PACRG: variants seen among roughly 807,000 people sequenced by gnomAD.
PACRG encodes the protein parkin coregulated gene protein.
PACRG carries 29 observed loss-of-function variants against 29.7 expected under a neutral mutation model. The observed-to-expected ratio is 0.98, with a 90% CI of 0.73 to 1.33. The LOEUF (loss-of-function observed/expected upper bound fraction) is 1.33. Among genes scored for constraint, PACRG ranks in the 40% most tolerant of loss-of-function variants. The probability of loss-of-function intolerance (pLI) is 0.00; values close to 1 mark genes in which losing one functional copy is unlikely to be tolerated. For missense variants in PACRG, 279 were observed against 316.2 expected, an observed-to-expected ratio of 0.88 and a Z score of 0.89; for synonymous variants, 116 against 118.7, an observed-to-expected ratio of 0.98 and a Z score of 0.15.
chr6:163,085,783 C>T (rs1330266516), intron 3 of PACRG, among the ~76,000 whole-genome samples: 1 of 152,230 alleles, frequency 6.6e-6, no homozygotes, highest in African/African-American at 2.4e-5. Context: ...TCTGCTTAAA[C>T]GCCCTGTCCT....
intron 2 of PACRG, among the ~76,000 whole-genome samples, chr6:163,003,724 T>C (rs1468535026): frequency 6.6e-6 from 1 of 152,198 alleles, no homozygotes; most frequent in Non-Finnish European, 1.5e-5. Flanking sequence ...ATAGTAATCA[T>C]GATAACAATA....
At chr6:162,924,385 A>G (rs1797277761) in intron 2 of PACRG, among the ~76,000 whole-genome samples, 1 of 151,872 alleles carries the variant, frequency 6.6e-6, no homozygotes, top group Non-Finnish European at 1.5e-5. Context: ...TTATTTCTTT[A>G]TCTTGCGTAA....
At chr6:163,142,221 T>C (rs1238681609) in intron 4 of PACRG, among the ~76,000 whole-genome samples, 1 of 152,016 alleles carries the variant, frequency 6.6e-6, no homozygotes, top group Non-Finnish European at 1.5e-5. Context: ...CAAACATTCA[T>C]GAAATAGATG....
intron 2 of PACRG, among the ~76,000 whole-genome samples, chr6:163,054,885 C>G (rs117290768): frequency 0.014 from 2,118 of 152,200 alleles, 72 homozygotes; most frequent in Admixed American, 0.081. Context: ...CTCCAAGGAC[C>G]GCCTCCCCCC....
intron 4 of PACRG, chr6:163,310,919 G>C (rs1785388515): frequency 6.6e-6 from 1 of 152,212 alleles, no homozygotes; most frequent in African/African-American, 2.4e-5. Flanking sequence ...CCCGGAGGAT[G>C]CTATCGCTGG....
At chr6:162,935,996 C>T (rs756491413) in intron 2 of PACRG, among the ~76,000 whole-genome samples, 16 of 152,104 alleles carry the variant, frequency 1.1e-4, no homozygotes, top group Non-Finnish European at 2.1e-4. Context: ...CAAGACTGGG[C>T]AATTTACAAA....
intron 2 of PACRG, among the ~76,000 whole-genome samples, chr6:163,032,929 T>C (rs987664404): frequency 6.6e-6 from 1 of 152,220 alleles, no homozygotes; most frequent in African/African-American, 2.4e-5. Context: ...TTTATTCCAA[T>C]GTTTAGTTTA....
intron 2 of PACRG, among the ~76,000 whole-genome samples, chr6:162,916,699 C>T (rs1396368790): frequency 1.3e-5 from 2 of 152,132 alleles, no homozygotes; most frequent in African/African-American, 4.8e-5. Flanking sequence ...TGTGCTGTCT[C>T]TGAGTCTACT....
At chr6:162,727,678 G>A, upstream of PACRG, 2 of 1,577,926 alleles carry the variant, frequency 1.3e-6, no homozygotes, top group South Asian at 2.3e-5. Context: ...TGGTCACTGG[G>A]TAGGTGGCGG....
At chr6:162,815,648 TATG>T (rs989308247) in intron 2 of PACRG, among the ~76,000 whole-genome samples, 4 of 152,004 alleles carry the variant, frequency 2.6e-5, no homozygotes, top group Non-Finnish European at 5.9e-5. Context: ...AAAATGTACG[TATG>T]ATGAGAAAAA....
intron 4 of PACRG, among the ~76,000 whole-genome samples, chr6:163,286,886 G>A (rs1784420392): frequency 1.3e-5 from 2 of 151,962 alleles, no homozygotes; most frequent in African/African-American, 4.8e-5. Flanking sequence ...ACGTGTAGAT[G>A]TATGTGCATA....
At chr6:163,255,766 A>G (rs1242802229) in intron 4 of PACRG, among the ~76,000 whole-genome samples, 4 of 152,070 alleles carry the variant, frequency 2.6e-5, no homozygotes, top group Admixed American at 2.6e-4. Flanking sequence ...CCTCCCAAGT[A>G]GTGGGACTAC....
At position 163,234,547 on chromosome 6, in the gene PACRG, T is replaced by TA. The variant is rs930941534; in HGVS notation, c.614-80275dup. ...TGAGCCAAGATAAACCTCTTTTCCT[T>TA]AAAAATTATCCAGCCTCGGCATTCC... On this transcript the variant is annotated intron_variant, in intron 4 of 4. Transcript: ENST00000366888. Among the ~76,000 whole-genome samples, 9 of 152,246 alleles carry TA rather than the reference T, an allele frequency of 5.9e-5. No homozygotes were observed. The South Asian group carries it at 1.2e-3, about 21-fold the overall frequency.
At chr6:163,232,682 G>C (rs67449161) in intron 4 of PACRG, among the ~76,000 whole-genome samples, 2 of 152,108 alleles carry the variant, frequency 1.3e-5, no homozygotes. Context: ...GTGGACCAGC[G>C]AGAAGAGGAG....
intron 4 of PACRG, among the ~76,000 whole-genome samples, chr6:163,177,823 G>A (rs936056689): frequency 5.0e-5 from 7 of 139,058 alleles, no homozygotes; most frequent in East Asian, 4.4e-4. Flanking sequence ...TTCCAAGCAC[G>A]TCCAAACAGC....
At chr6:163,119,821 A>G (rs995003273) in intron 4 of PACRG, among the ~76,000 whole-genome samples, 3 of 152,098 alleles carry the variant, frequency 2.0e-5, no homozygotes, top group Admixed American at 6.5e-5. Flanking sequence ...TTTCAACATC[A>G]TTTTATGTAT....
At chr6:162,939,269 A>C (rs62427533) in intron 2 of PACRG, among the ~76,000 whole-genome samples, 2 of 152,106 alleles carry the variant, frequency 1.3e-5, no homozygotes, top group Non-Finnish European at 2.9e-5. Context: ...TGGATCAAGG[A>C]CTTAAATCTA....
At chr6:163,292,294 T>A (rs1784638514) in intron 4 of PACRG, among the ~76,000 whole-genome samples, 1 of 152,210 alleles carries the variant, frequency 6.6e-6, no homozygotes, top group South Asian at 2.1e-4. Flanking sequence ...GGTAGCGTAA[T>A]CCAGTGTCTT....
At chr6:162,798,009 A>G (rs1785522927) in intron 1 of PACRG, among the ~76,000 whole-genome samples, 1 of 152,150 alleles carries the variant, frequency 6.6e-6, no homozygotes, top group South Asian at 2.1e-4. Context: ...TTAACTCTGT[A>G]TGGTATTTTT....
Sources: allele counts gnomAD v4.1 joint callset (sites outside exome capture counted in the v4.1 genomes callset), GRCh38; gene constraint gnomAD v4.1.1; transcripts MANE v1.5; gene names NCBI Gene and HGNC (gene_info 2026-07-23, HGNC 2026-07-21).